KIF15: variants seen among roughly 807,000 people sequenced by gnomAD.
KIF15 encodes kinesin-like protein KIF15.
In KIF15, 140 loss-of-function variants were observed where a neutral mutation model predicts 190.6. The observed-to-expected ratio is 0.73, with a 90% CI of 0.64 to 0.84. The LOEUF is 0.84. Among genes scored for constraint, KIF15 ranks in the 40% least tolerant of loss-of-function variants. The pLI is 0.00. For missense variants in KIF15, 1,372 were observed against 1,584.4 expected (o/e 0.87, Z 2.28); for synonymous variants, 528 against 551.3 (o/e 0.96, Z 0.59).
chr3:44,814,618 A>G (rs1376165195), intron 19 of KIF15, among the ~76,000 whole-genome samples: 1 of 152,148 alleles, frequency 6.6e-6, no homozygotes, highest in African/African-American at 2.4e-5. Context: ...CCCTTATATT[A>G]GGAGTTTTGA....
At chr3:44,762,513 T>C (rs1705195329) in intron 1 of KIF15, among the ~76,000 whole-genome samples, 1 of 152,258 alleles carries the variant, frequency 6.6e-6, no homozygotes, top group African/African-American at 2.4e-5. Context: ...AGTCATTTGC[T>C]GTGCCTGTGT....
Position 44,801,434 on chromosome 3 carries a change from A to G in KIF15, c.1223-16A>G. 6.9e-7 allele frequency: 1 copy of G among 1,449,166 alleles called. No individual in the cohort carries two copies. The highest frequency in any genetic ancestry group is 9.6e-7 in the Non-Finnish European group (1 of 1,043,952). 89.8% of individuals were successfully genotyped at this position (1,449,166 alleles called of 1,614,324 possible). On this transcript the variant is annotated splice_polypyrimidine_tract_variant and intron_variant, in intron 11 of 34. Coordinates refer to ENST00000326047, the MANE Select transcript of KIF15 (RefSeq NM_020242.3). ...TATTTTTTTTCATCTTCCCTTTCTT[A>G]TTGGATCAATTACAGACAAAAAGAA...
chr3:44,854,249 G>T (rs979105889), downstream of KIF15, among the ~76,000 whole-genome samples: 12 of 152,078 alleles, frequency 7.9e-5, no homozygotes, highest in Non-Finnish European at 1.8e-4. Flanking sequence ...GCTGGGTGTG[G>T]TGGCGCATGC....
rs964114908 is a variant in KIF15 at position 44,826,123 on chromosome 3, T to G, written c.2634T>G (p.Ile878Met). Residue 878 changes from isoleucine (I) to methionine (M), a missense_variant, in exon 21 of 35, where the codon ATT becomes ATG. By Grantham distance (10) the Ile-to-Met change is conservative. Transcript: ENST00000326047. ...TACAAGAAATAATGAAATTTGAGAT[T>G]GACCAACTTTCAAGAAACCTCCAAA... Reference protein sequence around the residue: ...DNLQEIMKFEIDQLSRNLQNF... With the variant: ...DNLQEIMKFEMDQLSRNLQNF... 1.1e-5 allele frequency: 17 copies of G among 1,587,744 alleles called. No homozygotes were observed. Among genetic ancestry groups the G allele is most frequent in the Non-Finnish European group, 1.2e-5 (14 of 1,173,640 alleles).
chr3:44,798,901 G>A (rs1707124961), intron 10 of KIF15, among the ~76,000 whole-genome samples: 1 of 152,190 alleles, frequency 6.6e-6, no homozygotes, highest in Non-Finnish European at 1.5e-5. Flanking sequence ...AACTTCTGAT[G>A]CCAATTGCAA....
chr3:44,855,876 T>A (rs1220960823), downstream of KIF15, among the ~76,000 whole-genome samples: 1 of 152,116 alleles, frequency 6.6e-6, no homozygotes, highest in African/African-American at 2.4e-5. Context: ...TGTAATTGAT[T>A]GGTTGGTTGG....
intron 4 of KIF15, among the ~76,000 whole-genome samples, chr3:44,780,473 T>C (rs1214970280): frequency 6.6e-6 from 1 of 152,198 alleles, no homozygotes; most frequent in African/African-American, 2.4e-5. Flanking sequence ...ATTATGGTGC[T>C]GCAAGATGCT....
At chr3:44,790,961 G>A (rs1706670818) in intron 7 of KIF15, among the ~76,000 whole-genome samples, 1 of 152,104 alleles carries the variant, frequency 6.6e-6, no homozygotes, top group Non-Finnish European at 1.5e-5. Flanking sequence ...GATTACAGGC[G>A]CGAGCCACTG....
At chr3:44,841,998 A>C (rs1336721979) in intron 29 of KIF15, among the ~76,000 whole-genome samples, 1 of 152,172 alleles carries the variant, frequency 6.6e-6, no homozygotes, top group African/African-American at 2.4e-5. Context: ...TGTTTCCTTA[A>C]ACCTCACCTC....
chr3:44,852,571 G>A, intron 34 of KIF15, 102 bp from the exon 35 acceptor site: 1 of 907,324 alleles, frequency 1.1e-6, no homozygotes. Context: ...GAAAATTCCA[G>A]TCTTAATTTG....
At chr3:44,867,493 C>G (rs560643201) in intron 6 of KIF15, among the ~76,000 whole-genome samples, 8 of 152,218 alleles carry the variant, frequency 5.3e-5, no homozygotes, top group Non-Finnish European at 8.8e-5. Flanking sequence ...GTCGGCCTCC[C>G]TGGGCAGTTA....
intron 21 of KIF15, 35 bp downstream of exon 21, chr3:44,826,224 TGACTGTCCTTTTGAGTGTAGGACAAG>T (rs780371347): frequency 6.4e-7 from 1 of 1,564,006 alleles, no homozygotes; most frequent in East Asian, 2.3e-5. Context: ...CCCGCATCTG[TGACTGTCCTTTTGAGTGTAGGACAAG>T]GACTGTCCTT....
chr3:44,829,741 A>T (rs1027688482), intron 24 of KIF15, among the ~76,000 whole-genome samples: 23 of 139,018 alleles, frequency 1.7e-4, no homozygotes, highest in African/African-American at 6.2e-4. Flanking sequence ...TATATTATAT[A>T]TGTATATATT....
intron 4 of KIF15, among the ~76,000 whole-genome samples, chr3:44,779,967 G>A (rs939630230): frequency 6.6e-6 from 1 of 151,720 alleles, no homozygotes; most frequent in Admixed American, 6.6e-5. Context: ...TTCTAGTTTT[G>A]GGGGGCATTT....
downstream of KIF15, among the ~76,000 whole-genome samples, chr3:44,856,556 C>G (rs1699191140): frequency 6.6e-6 from 1 of 152,048 alleles, no homozygotes; most frequent in South Asian, 2.1e-4. Context: ...GAGAGACTGA[C>G]AGGTGGAAGT....
At chr3:44,777,874 A>G (rs1705970421) in intron 3 of KIF15, among the ~76,000 whole-genome samples, 1 of 152,212 alleles carries the variant, frequency 6.6e-6, no homozygotes, top group South Asian at 2.1e-4. Flanking sequence ...ATCTACATGC[A>G]ATATGCTCTA....
At chr3:44,774,596 A>G (rs930911274) in intron 2 of KIF15, among the ~76,000 whole-genome samples, 159 bp downstream of exon 2, 1 of 152,182 alleles carries the variant, frequency 6.6e-6, no homozygotes, top group Non-Finnish European at 1.5e-5. Context: ...CTGCCCTCTC[A>G]CTTTCCAGGC....
At position 44,801,189 on chromosome 3, in the gene KIF15, T is replaced by C. The variant is rs370801859; in HGVS notation, c.1223-261T>C. Among the ~76,000 whole-genome samples, 9 of 144,614 alleles carry C rather than the reference T, an allele frequency of 6.2e-5. No individual in the cohort carries two copies. In the East Asian group the frequency reaches 1.1e-3, roughly 17 times the overall value. The allele number at this position is 144,614 out of a possible 152,430, so 94.9% of individuals were successfully genotyped here. On this transcript the variant is annotated intron_variant, in intron 11 of 34. Coordinates refer to ENST00000326047, the MANE Select transcript of KIF15 (RefSeq NM_020242.3). The stretch of plus-strand genomic sequence containing the variant: ...TGCCCAGCTAATTTTTTTGTATTTT[T>C]AGTAGAGATCGGGGGCGGCGGGAGG...
At chr3:44,851,994 C>G in intron 33 of KIF15, 42 bp downstream of exon 33, 1 of 1,575,664 alleles carries the variant, frequency 6.3e-7, no homozygotes, top group Non-Finnish European at 8.6e-7. Context: ...TTAGAACACT[C>G]AAATGAATAG....
Sources: gnomAD v4.1 joint callset for allele counts (sites outside exome capture counted in the v4.1 genomes callset) on GRCh38, gnomAD v4.1.1 for gene constraint, MANE v1.5 for transcripts, NCBI Gene and HGNC (gene_info 2026-07-23, HGNC 2026-07-21) for gene names.